Variants in UGP2 observed in about 807,000 individuals in gnomAD.
The protein encoded by UGP2 is UDP-glucose pyrophosphorylase 2.
A neutral mutation model predicts 49.0 loss-of-function variants in UGP2; 40 were observed. The observed-to-expected ratio is 0.82, with a 90% confidence interval of 0.63 to 1.06. UGP2 has a LOEUF of 1.06. Among genes scored for constraint, UGP2 ranks in the 50% least tolerant of loss-of-function variants. The probability of loss-of-function intolerance (pLI) is 0.00; values close to 1 mark genes in which losing one functional copy is unlikely to be tolerated. For synonymous variants in UGP2, 225 were observed against 213.0 expected (o/e 1.06, Z -0.49); for missense variants, 460 against 603.5 (o/e 0.76, Z 2.49).
intron 8 of UGP2, 58 bp downstream of exon 8, chr2:63,887,702 A>G (rs1233791361): frequency 1.9e-6 from 3 of 1,584,890 alleles, no homozygotes; most frequent in African/African-American, 2.7e-5. Context: ...TTATAAAGAT[A>G]TGATATACAT....
chr2:63,866,334 G>A (rs74317141), intron 3 of UGP2, among the ~76,000 whole-genome samples: 3,965 of 152,294 alleles, frequency 0.026, 87 homozygotes, highest in Admixed American at 0.057. Flanking sequence ...CAGTTAATGT[G>A]TCTAAAACTT....
chr2:63,883,946 A>C lies in UGP2; in HGVS notation c.442-14A>C. On this transcript the variant is annotated splice_polypyrimidine_tract_variant and intron_variant, in intron 4 of 9. Coordinates refer to ENST00000337130, the MANE Select transcript of UGP2 (RefSeq NM_006759.4). ...AGTGAGTCTGGGTAATCTAATTGTC[A>C]TTTTCCTCCCTAGCATTTGAATAAA... is the stretch of plus-strand genomic sequence containing the variant. The C allele has an allele frequency of 6.3e-7, 1 of 1,591,774 alleles. No homozygotes were observed. Among genetic ancestry groups the C allele is most frequent in the East Asian group, 2.2e-5 (1 of 44,510 alleles).
At chr2:63,872,790 CAAA>C (rs547283279) in intron 3 of UGP2, among the ~76,000 whole-genome samples, 8 of 112,520 alleles carry the variant, frequency 7.1e-5, no homozygotes, top group Admixed American at 9.0e-5. Flanking sequence ...CCAGTGCCCT[CAAA>C]AAAAAAAAAA....
In UGP2 at chr2:63,891,318, T is replaced by C; in HGVS notation, c.*91T>C. 1 of 1,097,172 alleles carries C rather than the reference T, an allele frequency of 9.1e-7. No homozygotes were observed. The highest frequency in any genetic ancestry group is 1.4e-6 in the Non-Finnish European group (1 of 739,022). 68.0% of individuals were successfully genotyped at this position (1,097,172 alleles called of 1,614,324 possible). On this transcript the variant is annotated 3_prime_UTR_variant, in exon 10 of 10. Transcript: ENST00000337130. ...TCTAAAATAGGCAGGTACTTTACTATGTTACTGTACCCTGCAGTGTTGATT... is the reference window on the plus strand; with the variant it reads ...TCTAAAATAGGCAGGTACTTTACTACGTTACTGTACCCTGCAGTGTTGATT...
At chr2:63,859,424 G>C (rs1009034963) in intron 3 of UGP2, among the ~76,000 whole-genome samples, 1 of 152,048 alleles carries the variant, frequency 6.6e-6, no homozygotes, top group Non-Finnish European at 1.5e-5. Context: ...ATATATTTTA[G>C]GGTTCAAGAA....
At chr2:63,889,979 A>G (rs891046131) in intron 8 of UGP2, 102 bp from the exon 9 acceptor site, 2 of 888,586 alleles carry the variant, frequency 2.3e-6, no homozygotes, top group African/African-American at 1.7e-5. Context: ...AGCTTTGCCA[A>G]AAAAGGTTTC....
In UGP2 at chr2:63,843,113, G is replaced by GA. The variant is rs201008608; in HGVS notation, c.19+918dup. On this transcript the variant is annotated intron_variant, in intron 1 of 9. Coordinates refer to ENST00000337130, the MANE Select transcript of UGP2 (RefSeq NM_006759.4). ...CCTGATAAATGTAGGTGTACTTTTG[G>GA]AAAAAAAAAGTTGTGTCAGTAATGG... Among the ~76,000 whole-genome samples the GA allele has an allele frequency of 4.2e-4, 63 of 151,386 alleles. 4 individuals are homozygous for GA. The East Asian group carries it at 6.2e-3, about 15-fold the overall frequency.
intron 1 of UGP2, among the ~76,000 whole-genome samples, chr2:63,850,408 TTAG>T (rs1490131018): frequency 2.0e-5 from 3 of 152,208 alleles, no homozygotes; most frequent in Non-Finnish European, 2.9e-5. Context: ...TCTAATAACT[TTAG>T]TATGAAAAGA....
At chr2:63,884,204 C>A in intron 5 of UGP2, 111 bp downstream of exon 5, 1 of 1,316,598 alleles carries the variant, frequency 7.6e-7, no homozygotes, top group Non-Finnish European at 1.0e-6. Context: ...TATTGATGTT[C>A]ACAAGTGTTT....
intron 8 of UGP2, chr2:63,889,795 C>G (rs1346242326): frequency 4.1e-6 from 1 of 242,720 alleles, no homozygotes; most frequent in African/African-American, 2.3e-5. Flanking sequence ...ATTCATCTGG[C>G]TCTTGGCATG....
At chr2:63,856,984 G>A (rs1048921060) in intron 2 of UGP2, 9 of 373,396 alleles carry the variant, frequency 2.4e-5, no homozygotes, top group South Asian at 1.9e-4. Flanking sequence ...TTTTCATTGA[G>A]AAGTAGAGAA....
At chr2:63,878,615 C>T (rs888338270) in intron 3 of UGP2, among the ~76,000 whole-genome samples, 1 of 152,158 alleles carries the variant, frequency 6.6e-6, no homozygotes, top group African/African-American at 2.4e-5. Context: ...TTGTTTTCTT[C>T]TACTTAAAAG....
intron 2 of UGP2, among the ~76,000 whole-genome samples, chr2:63,857,189 T>C (rs1241484835): frequency 6.6e-6 from 1 of 151,708 alleles, no homozygotes; most frequent in East Asian, 1.9e-4. Context: ...TGGTCCCAGC[T>C]ACTGGGGAGG....
At chr2:63,871,211 C>G (rs998907598) in intron 3 of UGP2, among the ~76,000 whole-genome samples, 9 of 152,178 alleles carry the variant, frequency 5.9e-5, no homozygotes, top group Non-Finnish European at 8.8e-5. Context: ...CTTCTACCCC[C>G]TCTCCCCTAA....
At chr2:63,863,260 G>A (rs1669969905) in intron 3 of UGP2, among the ~76,000 whole-genome samples, 2 of 152,090 alleles carry the variant, frequency 1.3e-5, no homozygotes, top group South Asian at 4.2e-4. Flanking sequence ...GTAAGGTTTA[G>A]GGAGCAGTTG....
chr2:63,842,105 A>G lies in UGP2; in HGVS notation c.-81A>G. Reference sequence around the variant, plus strand: ...AGAATACATCGGTTGTTAAAGCAGGAGAGGAAGAGAGACCTGCCCTGTAGC... The same window carrying G: ...AGAATACATCGGTTGTTAAAGCAGGGGAGGAAGAGAGACCTGCCCTGTAGC... On this transcript the variant is annotated 5_prime_UTR_variant, in exon 1 of 10. Coordinates refer to ENST00000337130, the MANE Select transcript of UGP2 (RefSeq NM_006759.4). 1.3e-6 allele frequency: 2 copies of G among 1,502,400 alleles called. 1 individual carries two copies. 93.1% of individuals were successfully genotyped at this position (1,502,400 alleles called of 1,614,324 possible).
chr2:63,841,475 G>C (rs1575789411), upstream of UGP2, among the ~76,000 whole-genome samples: 1 of 152,210 alleles, frequency 6.6e-6, no homozygotes, highest in South Asian at 2.1e-4. Flanking sequence ...CGCTGCGGGG[G>C]AGGGGCAGCG....
chr2:63,887,617 G>A lies in UGP2; in HGVS notation c.1287G>A (p.Leu429=). Residue 429 remains leucine (L), a synonymous_variant, in exon 8 of 10, where the codon TTG becomes TTA. Coordinates refer to ENST00000337130, the MANE Select transcript of UGP2 (RefSeq NM_006759.4). The part of the protein sequence containing the change: ...SEKREFPTVP[L]VKLGSSFTKV... ...AGCGGGAATTTCCTACAGTGCCCTT[G>A]GTTAAATTAGGCAGTTCTTTTACGA... 6.2e-7 allele frequency: 1 copy of A among 1,614,034 alleles called. No homozygotes were observed.
intron 1 of UGP2, 24 bp downstream of exon 1, chr2:63,842,228 C>T (rs1671604161): frequency 1.2e-6 from 2 of 1,609,450 alleles, no homozygotes; most frequent in African/African-American, 2.7e-5. Flanking sequence ...CTGCTTATAT[C>T]CCGAGTTGCT....
Sources: allele counts gnomAD v4.1 joint callset (sites outside exome capture counted in the v4.1 genomes callset), GRCh38; gene constraint gnomAD v4.1.1; transcripts MANE v1.5; gene names NCBI Gene and HGNC (gene_info 2026-07-23, HGNC 2026-07-21).